The following ANO5 variants were observed in gnomAD, a reference collection of about 807,000 sequenced individuals.
ANO5 encodes anoctamin 5, also known as anoctamin-5.
ANO5 carries 109 observed loss-of-function variants against 121.0 expected under a neutral mutation model. The ratio of observed to expected loss-of-function variants is 0.90; its 90% CI spans 0.77 to 1.06. The LOEUF is 1.06. Ranked by LOEUF, ANO5 falls within the 50% of genes least tolerant of loss-of-function variation. The probability of loss-of-function intolerance (pLI) is 0.00; values close to 1 mark genes in which losing one functional copy is unlikely to be tolerated. For missense variants in ANO5, 1,064 were observed against 1,078.5 expected (o/e 0.99, Z 0.19); for synonymous variants, 406 against 359.9 (o/e 1.13, Z -1.45).
chr11:22,244,346 C>T (rs114259416), intron 9 of ANO5, among the ~76,000 whole-genome samples: 6,179 of 151,840 alleles, frequency 0.041, 403 homozygotes, highest in African/African-American at 0.14. Flanking sequence ...TTTTTTTGTT[C>T]GTGTTGAACT....
rs1175604459 is a variant in ANO5, at chr11:22,272,914, A to G, written c.2160A>G (p.Val720=). 16 of 1,614,152 alleles carry G rather than the reference A, an allele frequency of 9.9e-6. No homozygotes were observed. Among genetic ancestry groups the G allele is most frequent in the Non-Finnish European group, 1.4e-5 (16 of 1,180,014 alleles). The change falls in exon 19 of 22, where the codon GTA becomes GTG. Residue 720 remains valine (V), a synonymous_variant. Transcript: ENST00000324559. ...TTACCACTCAATACAGGAGAACTGT[A>G]GCTTCTAAAGCTCATAGCATAGGTG... ...WKLTTQYRRT[V]ASKAHSIGVW... is the part of the protein sequence containing the mutation.
chr11:22,270,490 G>A (rs371050602), intron 18 of ANO5, 48 bp downstream of exon 18: 32 of 1,609,174 alleles, frequency 2.0e-5, no homozygotes, highest in Non-Finnish European at 2.7e-5. Context: ...ATGAATGAGT[G>A]GTTTTTCAGC....
intron 9 of ANO5, among the ~76,000 whole-genome samples, chr11:22,240,479 C>T (rs531552301): frequency 3.3e-5 from 5 of 152,108 alleles, no homozygotes; most frequent in Middle Eastern, 6.8e-3. Context: ...TCCAAATCAA[C>T]TGAAATGTTA....
chr11:22,246,584 C>G (rs1191926138), intron 9 of ANO5, among the ~76,000 whole-genome samples: 2 of 151,964 alleles, frequency 1.3e-5, no homozygotes, highest in East Asian at 3.9e-4. Context: ...TGCCTGTAAT[C>G]TCAGCACTTT....
At position 22,281,734 on chromosome 11, in the gene ANO5, A is replaced by G. The variant is rs905186656; in HGVS notation, c.*1969A>G. On this transcript the variant is annotated 3_prime_UTR_variant, in exon 22 of 22. Transcript: ENST00000324559. The stretch of plus-strand genomic sequence containing the variant: ...AAAAGTATTCATAGAGGTAGACTGT[A>G]TGATAAATAAAAACAAATTTAATTC... 9 of 152,060 alleles carry G rather than the reference A, an allele frequency of 5.9e-5. No individual in the cohort carries two copies. The highest frequency in any genetic ancestry group is 5.2e-4 in the Admixed American group (8 of 15,258). The allele number at this position is 152,060 out of a possible 1,614,324, so 9.4% of individuals were successfully genotyped here. A position where few individuals can be genotyped will look rare whatever the true frequency, so the allele number is the denominator to read the frequency against.
chr11:22,228,298 C>T (rs141662043), intron 7 of ANO5, among the ~76,000 whole-genome samples: 216 of 151,728 alleles, frequency 1.4e-3, no homozygotes, highest in Admixed American at 4.5e-3. Flanking sequence ...CATTATTTAT[C>T]TGGCTTTCAG....
chr11:22,257,844 C>G, intron 14 of ANO5, 90 bp downstream of exon 14: 1 of 1,098,042 alleles, frequency 9.1e-7, no homozygotes, highest in Admixed American at 1.9e-5. Flanking sequence ...TCTCTTGAGT[C>G]TTTCCTTTCC....
At chr11:22,274,478 T>A in intron 19 of ANO5, 91 bp from the exon 20 acceptor site, 1 of 1,184,488 alleles carries the variant, frequency 8.4e-7, no homozygotes, top group Non-Finnish European at 1.2e-6. Context: ...TGCATCTATA[T>A]AATTTATGGT....
At chr11:22,254,308 A>G (rs901820971) in intron 12 of ANO5, among the ~76,000 whole-genome samples, 4 of 152,142 alleles carry the variant, frequency 2.6e-5, no homozygotes, top group African/African-American at 9.7e-5. Context: ...GTGAGTCAGA[A>G]AGTTGAATCT....
intron 15 of ANO5, chr11:22,261,721 C>G (rs1854193968): frequency 5.0e-6 from 1 of 198,958 alleles, no homozygotes; most frequent in Non-Finnish European, 1.0e-5. Flanking sequence ...ACCAGGAGAA[C>G]AGCATGGGGG....
intron 17 of ANO5, among the ~76,000 whole-genome samples, chr11:22,269,025 TAGAG>T (rs1854472784): frequency 1.6e-5 from 2 of 127,182 alleles, no homozygotes; most frequent in Admixed American, 8.7e-5. Context: ...AAGACAGACA[TAGAG>T]AAAGAAAAAA....
intron 7 of ANO5, among the ~76,000 whole-genome samples, chr11:22,233,233 A>C (rs1487331546): frequency 6.6e-6 from 1 of 152,026 alleles, no homozygotes; most frequent in East Asian, 1.9e-4. Flanking sequence ...TACATTCAAA[A>C]GTGATTACTC....
At chr11:22,194,566 A>T (rs1851750795) in intron 1 of ANO5, among the ~76,000 whole-genome samples, 2 of 152,316 alleles carry the variant, frequency 1.3e-5, no homozygotes, top group East Asian at 3.9e-4. Context: ...GAACACTTTC[A>T]TCACCCCAAA....
chr11:22,261,075 G>A (rs1356432389), intron 15 of ANO5: 2 of 152,156 alleles, frequency 1.3e-5, no homozygotes, highest in African/African-American at 4.8e-5. Flanking sequence ...CTTTAAACCT[G>A]ATTGTAAAAC....
At chr11:22,234,233 T>G (rs1340554562) in intron 7 of ANO5, among the ~76,000 whole-genome samples, 1 of 152,108 alleles carries the variant, frequency 6.6e-6, no homozygotes, top group Non-Finnish European at 1.5e-5. Flanking sequence ...CCTCTTCAAT[T>G]AGGACATGAA....
intron 2 of ANO5, among the ~76,000 whole-genome samples, chr11:22,205,460 C>G (rs1369987915): frequency 6.6e-6 from 1 of 151,800 alleles, no homozygotes; most frequent in Non-Finnish European, 1.5e-5. Flanking sequence ...GTGTAGTTTG[C>G]AGATCAATAT....
intron 14 of ANO5, 49 bp downstream of exon 14, chr11:22,257,803 A>G (rs761221602): frequency 5.5e-6 from 8 of 1,465,566 alleles, no homozygotes; most frequent in South Asian, 1.1e-5. Flanking sequence ...AGGTGATTAA[A>G]TGAGCTATCT....
intron 8 of ANO5, 122 bp downstream of exon 8, chr11:22,236,398 A>G: frequency 1.3e-6 from 1 of 798,648 alleles, no homozygotes; most frequent in Non-Finnish European, 2.1e-6. Context: ...GAAAATCCCC[A>G]AAGACTTCTT....
intron 14 of ANO5, among the ~76,000 whole-genome samples, chr11:22,258,103 T>C (rs1248797992): frequency 1.3e-5 from 2 of 152,212 alleles, no homozygotes; most frequent in South Asian, 2.1e-4. Flanking sequence ...AATGTATCTT[T>C]ATTTCCACCT....
Sources: allele counts gnomAD v4.1 joint callset (sites outside exome capture counted in the v4.1 genomes callset), GRCh38; gene constraint gnomAD v4.1.1; transcripts MANE v1.5; gene names NCBI Gene and HGNC (gene_info 2026-07-23, HGNC 2026-07-21).